Variants in CDKAL1 observed in about 807,000 individuals in gnomAD.
CDKAL1 encodes the protein threonylcarbamoyladenosine tRNA methylthiotransferase.
Under a neutral mutation model 68.2 loss-of-function variants are expected in CDKAL1, and 32 were observed. The ratio of observed to expected loss-of-function variants is 0.47; its 90% confidence interval spans 0.35 to 0.63. The LOEUF (loss-of-function observed/expected upper bound fraction) is 0.63, where lower values mean the gene tolerates loss of function less well. Among genes scored for constraint, CDKAL1 ranks in the 30% least tolerant of loss-of-function variants. The pLI, the probability that CDKAL1 is intolerant of heterozygous loss-of-function variation, is 0.00. For synonymous variants in CDKAL1, 234 were observed against 244.3 expected (o/e 0.96, Z 0.39); for missense variants, 606 against 696.7 (o/e 0.87, Z 1.47).
At chr6:21,171,448 G>A (rs940041079) in intron 13 of CDKAL1, among the ~76,000 whole-genome samples, 8 of 151,938 alleles carry the variant, frequency 5.3e-5, no homozygotes, top group Admixed American at 6.6e-5. Flanking sequence ...TCCTGACCTC[G>A]TGATCCGCCC....
chr6:20,563,778 A>C (rs534381734), intron 4 of CDKAL1, among the ~76,000 whole-genome samples: 1 of 152,166 alleles, frequency 6.6e-6, no homozygotes, highest in Non-Finnish European at 1.5e-5. Context: ...TTTAATAAAC[A>C]TAAGTATCTT....
At chr6:21,210,924 C>T (rs952218586) in intron 15 of CDKAL1, among the ~76,000 whole-genome samples, 24 of 152,200 alleles carry the variant, frequency 1.6e-4, no homozygotes, top group African/African-American at 5.5e-4. Context: ...GCTCCACCTC[C>T]CCCAGCAAGG....
At chr6:20,598,723 A>ATT (rs1490648891) in intron 4 of CDKAL1, among the ~76,000 whole-genome samples, 20 of 152,166 alleles carry the variant, frequency 1.3e-4, no homozygotes, top group Non-Finnish European at 2.8e-4. Flanking sequence ...ATTAAAATAG[A>ATT]TTTACTACAT....
intron 5 of CDKAL1, among the ~76,000 whole-genome samples, chr6:20,725,431 A>C (rs1036184923): frequency 1.3e-5 from 2 of 152,330 alleles, no homozygotes; most frequent in Non-Finnish European, 2.9e-5. Context: ...TGAGGCGTAT[A>C]TGCAGTGGTC....
intron 9 of CDKAL1, among the ~76,000 whole-genome samples, chr6:20,879,123 T>C (rs1760688855): frequency 6.6e-6 from 1 of 151,924 alleles, no homozygotes; most frequent in South Asian, 2.1e-4. Flanking sequence ...AAAGAAGTAT[T>C]CCCCATTGGT....
Position 20,955,492 on chromosome 6 carries a change from C to T in CDKAL1, c.816C>T (p.Pro272=), listed in dbSNP as rs760571228. The change falls in exon 10 of 16, where the codon CCC becomes CCT. Residue 272 remains proline (P), a synonymous_variant. Transcript: ENST00000274695. ...GCAGAGATATTGGCACCAATCTCCC[C>T]ACACTCCTGTGGAAACTGGTTGAAG... ...AYGRDIGTNL[P]TLLWKLVEVI... 1.2e-6 allele frequency: 2 copies of T among 1,614,128 alleles called. No homozygotes were observed.
chr6:21,098,534 C>CTTTT (rs34764667), intron 12 of CDKAL1, among the ~76,000 whole-genome samples: 3 of 80,966 alleles, frequency 3.7e-5, no homozygotes, highest in African/African-American at 9.2e-5. Flanking sequence ...GGGTACACAG[C>CTTTT]TTTTTTTTTT....
intron 10 of CDKAL1, among the ~76,000 whole-genome samples, chr6:20,994,809 G>A (rs887677439): frequency 2.0e-5 from 3 of 152,136 alleles, no homozygotes; most frequent in Admixed American, 6.6e-5. Flanking sequence ...AGCCTTCAGC[G>A]AGTTATTATC....
intron 11 of CDKAL1, among the ~76,000 whole-genome samples, chr6:21,046,960 C>T (rs573581159): frequency 8.5e-5 from 13 of 152,290 alleles, no homozygotes; most frequent in African/African-American, 3.1e-4. Context: ...CCATCTTGTA[C>T]CCCTTTCCCC....
At chr6:21,113,833 G>A (rs1420147708) in intron 13 of CDKAL1, among the ~76,000 whole-genome samples, 5 of 151,996 alleles carry the variant, frequency 3.3e-5, no homozygotes, top group African/African-American at 1.2e-4. Flanking sequence ...CCAGGTACTT[G>A]AGAGGCTGAT....
chr6:20,947,313 A>G (rs1561907367), intron 9 of CDKAL1, among the ~76,000 whole-genome samples: 1 of 152,240 alleles, frequency 6.6e-6, no homozygotes, highest in African/African-American at 2.4e-5. Context: ...TTTAAAGGCC[A>G]GGCTCATTGG....
At chr6:20,930,722 T>C (rs895935496) in intron 9 of CDKAL1, among the ~76,000 whole-genome samples, 8 of 150,474 alleles carry the variant, frequency 5.3e-5, no homozygotes, top group African/African-American at 1.7e-4. Context: ...TACATTAACT[T>C]TATGAGGTAC....
At chr6:21,136,232 A>G (rs1212412336) in intron 13 of CDKAL1, among the ~76,000 whole-genome samples, 1 of 152,190 alleles carries the variant, frequency 6.6e-6, no homozygotes, top group Non-Finnish European at 1.5e-5. Context: ...TGTGTAAACA[A>G]TGTGTTTGTA....
chr6:20,980,211 A>ATAGATATAGATG lies in CDKAL1; in HGVS notation c.910-20005_910-20004insGTAGATATAGAT, dbSNP rs1554151297. Among the ~76,000 whole-genome samples, 3 of 151,748 alleles carry ATAGATATAGATG rather than the reference A, an allele frequency of 2.0e-5. No individual in the cohort carries two copies. In the South Asian group the frequency reaches 6.3e-4, roughly 32 times the overall value. On this transcript the variant is annotated intron_variant, in intron 10 of 15. Transcript: ENST00000274695. ...AAGATAGATAGATATAGATATAGAT[A>ATAGATATAGATG]TAGATATAGATATAGATATAGATAT...
intron 6 of CDKAL1, among the ~76,000 whole-genome samples, chr6:20,750,674 G>C (rs752762824): frequency 5.3e-5 from 8 of 152,074 alleles, no homozygotes; most frequent in Admixed American, 1.3e-4. Context: ...AGAAATAACA[G>C]TACTATCAGC....
intron 15 of CDKAL1, among the ~76,000 whole-genome samples, chr6:21,228,199 T>C (rs986108288): frequency 6.6e-6 from 1 of 152,156 alleles, no homozygotes; most frequent in African/African-American, 2.4e-5. Flanking sequence ...TACCTAATTT[T>C]GTATTCATTA....
chr6:20,820,921 T>TA (rs1046775797), intron 8 of CDKAL1, among the ~76,000 whole-genome samples: 1 of 151,622 alleles, frequency 6.6e-6, no homozygotes, highest in African/African-American at 2.4e-5. Context: ...TGAGGAACAA[T>TA]AAAGCAGGAG....
intron 8 of CDKAL1, among the ~76,000 whole-genome samples, chr6:20,811,634 G>A (rs1285847535): frequency 2.6e-5 from 4 of 152,062 alleles, no homozygotes; most frequent in African/African-American, 4.8e-5. Flanking sequence ...TCAGCATTAT[G>A]GCAAGCATGC....
chr6:20,605,124 C>G (rs918042714), intron 4 of CDKAL1, among the ~76,000 whole-genome samples: 4 of 152,196 alleles, frequency 2.6e-5, no homozygotes, highest in Admixed American at 1.3e-4. Flanking sequence ...GGATTTGATA[C>G]ACTGCAGTCA....
Sources: gnomAD v4.1 joint callset for allele counts (sites outside exome capture counted in the v4.1 genomes callset) on GRCh38, gnomAD v4.1.1 for gene constraint, MANE v1.5 for transcripts, NCBI Gene and HGNC (gene_info 2026-07-23, HGNC 2026-07-21) for gene names.